FANK1: variants seen among roughly 807,000 people sequenced by gnomAD.
The protein encoded by FANK1 is fibronectin type 3 and ankyrin repeat domains protein 1.
In FANK1, 44 loss-of-function variants were observed where a neutral mutation model predicts 45.3. The ratio of observed to expected loss-of-function variants is 0.97; its 90% CI spans 0.76 to 1.25. FANK1 has a LOEUF of 1.25. FANK1 is among the 50% of genes most tolerant of loss of function. FANK1 has a pLI of 0.00. For synonymous variants in FANK1, 149 were observed against 152.5 expected (o/e 0.98, Z 0.17); for missense variants, 391 against 424.4 (o/e 0.92, Z 0.69).
At chr10:125,951,526 CTG>C (rs1423281059) in intron 1 of FANK1, among the ~76,000 whole-genome samples, 1 of 152,184 alleles carries the variant, frequency 6.6e-6, no homozygotes, top group Non-Finnish European at 1.5e-5. Context: ...GCTGTGCTGA[CTG>C]TAGAAATTGT....
At chr10:125,996,811 C>G (rs1952367413) in intron 5 of FANK1, among the ~76,000 whole-genome samples, 187 bp downstream of exon 5, 1 of 152,062 alleles carries the variant, frequency 6.6e-6, no homozygotes, top group Non-Finnish European at 1.5e-5. Flanking sequence ...ACACAACATG[C>G]AGGAGAGAAT....
At chr10:125,964,435 C>T (rs777058270) in intron 1 of FANK1, among the ~76,000 whole-genome samples, 5 of 152,030 alleles carry the variant, frequency 3.3e-5, no homozygotes, top group African/African-American at 1.2e-4. Flanking sequence ...TCAAGTGATC[C>T]ACCCGTCTAG....
intron 6 of FANK1, 34 bp downstream of exon 6, chr10:125,997,519 T>A: frequency 6.3e-7 from 1 of 1,596,744 alleles, no homozygotes; most frequent in Middle Eastern, 1.7e-4. Context: ...ATTGTGCTGA[T>A]GTTCTCAGAA....
intron 1 of FANK1, among the ~76,000 whole-genome samples, chr10:125,940,211 C>T (rs1430141966): frequency 6.6e-6 from 1 of 152,062 alleles, no homozygotes; most frequent in East Asian, 1.9e-4. Flanking sequence ...CGGTGCTCAG[C>T]ATACGGAGGA....
At position 125,945,595 on chromosome 10, in the gene FANK1, G is replaced by T. The variant is rs552112653; in HGVS notation, c.14-34566G>T. On this transcript the variant is annotated intron_variant, in intron 1 of 10. Transcript: ENST00000368693. ...TTATATCCCACACCTGGCTGGGAGG[G>T]TCCTACGCCCACGGAATCTCGCTGA... Among the ~76,000 whole-genome samples the T allele has an allele frequency of 5.3e-5, 8 of 152,334 alleles. No homozygotes were observed. In the South Asian group the frequency reaches 1.7e-3, roughly 32 times the overall value.
intron 6 of FANK1, among the ~76,000 whole-genome samples, chr10:125,997,700 G>A (rs1952447970): frequency 1.3e-5 from 2 of 152,224 alleles, no homozygotes; most frequent in Admixed American, 1.3e-4. Flanking sequence ...GGGGGCATCT[G>A]TTGTAACGTA....
intron 1 of FANK1, among the ~76,000 whole-genome samples, chr10:125,957,788 G>A (rs1044565981): frequency 2.6e-5 from 4 of 152,130 alleles, no homozygotes; most frequent in Non-Finnish European, 5.9e-5. Flanking sequence ...GCCTCCCAAA[G>A]TGCTGAGGTT....
intron 1 of FANK1, among the ~76,000 whole-genome samples, chr10:125,930,814 A>G (rs1947703209): frequency 6.6e-6 from 1 of 152,062 alleles, no homozygotes; most frequent in Admixed American, 6.5e-5. Context: ...TGGTGCACCC[A>G]CCACCCGAGC....
At chr10:125,902,372 T>G (rs1945114893) in intron 1 of FANK1, among the ~76,000 whole-genome samples, 1 of 152,190 alleles carries the variant, frequency 6.6e-6, no homozygotes, top group Non-Finnish European at 1.5e-5. Context: ...TAACACGGAG[T>G]AAACCCTAAA....
At chr10:125,928,537 G>GTT (rs2134138866) in intron 1 of FANK1, among the ~76,000 whole-genome samples, 2 of 152,158 alleles carry the variant, frequency 1.3e-5, no homozygotes, top group African/African-American at 4.8e-5. Flanking sequence ...AGCCCAGTAG[G>GTT]TCTCAGCCTT....
rs1589984263 is a variant in FANK1 at position 125,947,186 on chromosome 10, T to C, written c.14-32975T>C. Among the ~76,000 whole-genome samples, 7 of 152,060 alleles carry C rather than the reference T, an allele frequency of 4.6e-5. 1 individual carries two copies. Among genetic ancestry groups the C allele is most frequent in the Non-Finnish European group, 1.5e-5 (1 of 67,978 alleles). On this transcript the variant is annotated intron_variant, in intron 1 of 10. Transcript: ENST00000368693. ...GCCAAAATGTAAAGACCATCAAGAC[T>C]AGGAAGAAACTGCATCAACTAACAA...
intron 7 of FANK1, among the ~76,000 whole-genome samples, chr10:126,005,663 A>G (rs1953141718): frequency 6.6e-6 from 1 of 152,142 alleles, no homozygotes; most frequent in African/African-American, 2.4e-5. Context: ...TCAGTCTGTC[A>G]CCAAAGCTTT....
intron 1 of FANK1, among the ~76,000 whole-genome samples, chr10:125,976,212 A>G (rs190981194): frequency 1.6e-4 from 25 of 151,752 alleles, no homozygotes; most frequent in Admixed American, 6.5e-4. Context: ...ATCCCTTTGT[A>G]AGTGACCTGC....
In FANK1 at chr10:125,928,620, G is replaced by A. The variant is rs143320175; in HGVS notation, c.13+31965G>A. The stretch of plus-strand genomic sequence containing the variant: ...CTGACACTTCCATGTACTTACTATC[G>A]TGTCAGCTTTTAAAAACTTTTAGTC... On this transcript the variant is annotated intron_variant, in intron 1 of 10. Coordinates refer to ENST00000368693, the MANE Select transcript of FANK1 (RefSeq NM_145235.5). Among the ~76,000 whole-genome samples the A allele has an allele frequency of 3.3e-3, 496 of 152,126 alleles. 8 individuals carry two copies. Among genetic ancestry groups the A allele is most frequent in the Admixed American group, 0.029 (436 of 15,290 alleles).
At chr10:125,979,971 C>G in intron 1 of FANK1, 190 bp from the exon 2 acceptor site, 1 of 641,936 alleles carries the variant, frequency 1.6e-6, no homozygotes, top group Non-Finnish European at 2.8e-6. Context: ...ACTGTGGTAG[C>G]TCACACATCA....
chr10:125,919,621 C>A (rs1946798293), intron 1 of FANK1, among the ~76,000 whole-genome samples: 3 of 152,028 alleles, frequency 2.0e-5, no homozygotes, highest in Admixed American at 6.6e-5. Flanking sequence ...ATGGTGGTTG[C>A]TGTTATTCTG....
At chr10:125,969,202 G>A (rs559964764) in intron 1 of FANK1, among the ~76,000 whole-genome samples, 5 of 150,622 alleles carry the variant, frequency 3.3e-5, no homozygotes, top group African/African-American at 7.2e-5. Flanking sequence ...TGAACATAAG[G>A]TCTCCTTTTT....
intron 1 of FANK1, among the ~76,000 whole-genome samples, chr10:125,906,064 C>T (rs1357501658): frequency 2.0e-5 from 3 of 152,430 alleles, no homozygotes; most frequent in East Asian, 3.8e-4. Context: ...CCTGTGTATC[C>T]CACAAAGACT....
chr10:125,957,787 A>G (rs1230106410), intron 1 of FANK1, among the ~76,000 whole-genome samples: 3 of 152,090 alleles, frequency 2.0e-5, no homozygotes, highest in Non-Finnish European at 4.4e-5. Context: ...GGCCTCCCAA[A>G]GTGCTGAGGT....
Sources: allele counts gnomAD v4.1 joint callset (sites outside exome capture counted in the v4.1 genomes callset), GRCh38; gene constraint gnomAD v4.1.1; transcripts MANE v1.5; gene names NCBI Gene and HGNC (gene_info 2026-07-23, HGNC 2026-07-21).